Variants in NLGN1 observed in about 807,000 individuals in gnomAD.
The protein encoded by NLGN1 is neuroligin 1, also known as neuroligin-1.
In NLGN1, 12 loss-of-function variants were observed where a neutral mutation model predicts 65.5. That is an observed-to-expected ratio of 0.18 (90% CI 0.12 to 0.30). The LOEUF (loss-of-function observed/expected upper bound fraction) is 0.30. NLGN1 is among the 10% of genes least tolerant of loss of function. NLGN1 has a pLI of 1.00. For missense variants in NLGN1, 750 were observed against 1,007.1 expected (o/e 0.74, Z 3.46); for synonymous variants, 350 against 359.5 (o/e 0.97, Z 0.30).
intron 3 of NLGN1, among the ~76,000 whole-genome samples, chr3:173,733,483 G>A (rs1773200895): frequency 6.6e-6 from 1 of 152,028 alleles, no homozygotes; most frequent in South Asian, 2.1e-4. Flanking sequence ...TACTGTCAGG[G>A]AGGAAGGATA....
chr3:174,185,767 A>T (rs5006274), intron 4 of NLGN1, among the ~76,000 whole-genome samples: 109,981 of 151,404 alleles, frequency 0.73, 40,072 homozygotes, highest in Admixed American at 0.76. Context: ...TCTGCTTTTT[A>T]AAAAAATGTC....
At chr3:174,158,782 A>G (rs866501431) in intron 4 of NLGN1, among the ~76,000 whole-genome samples, 3 of 151,646 alleles carry the variant, frequency 2.0e-5, no homozygotes, top group Non-Finnish European at 4.4e-5. Flanking sequence ...TGAAAAAGCC[A>G]TTAATCAAAC....
At chr3:173,971,754 A>G (rs1716292529) in intron 4 of NLGN1, among the ~76,000 whole-genome samples, 1 of 152,052 alleles carries the variant, frequency 6.6e-6, no homozygotes, top group African/African-American at 2.4e-5. Context: ...TCATACCAAA[A>G]AGCCAATACT....
At chr3:173,907,151 A>G (rs1013582801) in intron 4 of NLGN1, among the ~76,000 whole-genome samples, 2 of 152,222 alleles carry the variant, frequency 1.3e-5, no homozygotes, top group African/African-American at 2.4e-5. Flanking sequence ...AAGGCAGGAA[A>G]GAGTCAAAAC....
intron 4 of NLGN1, among the ~76,000 whole-genome samples, chr3:174,139,009 A>T (rs1055786967): frequency 2.6e-5 from 4 of 152,212 alleles, no homozygotes; most frequent in Non-Finnish European, 5.9e-5. Context: ...GAAGCCAAAC[A>T]TACTTTTAAT....
chr3:174,181,560 C>T (rs80097181), intron 4 of NLGN1, among the ~76,000 whole-genome samples: 15,450 of 152,126 alleles, frequency 0.1, 974 homozygotes, highest in Admixed American at 0.15. Context: ...TGGAAGAGAG[C>T]CTGCCCTGCA....
intron 5 of NLGN1, among the ~76,000 whole-genome samples, chr3:174,277,111 G>C (rs1355708625): frequency 1.3e-5 from 2 of 151,790 alleles, no homozygotes; most frequent in Non-Finnish European, 2.9e-5. Flanking sequence ...ATACACTTCA[G>C]GGAAATCTGT....
intron 3 of NLGN1, among the ~76,000 whole-genome samples, chr3:173,752,040 G>A (rs2150159259): frequency 6.6e-6 from 1 of 152,142 alleles, no homozygotes; most frequent in Admixed American, 6.6e-5. Flanking sequence ...GAGAAACATG[G>A]CAGAATTGTG....
chr3:173,618,317 A>G (rs1028809275), intron 3 of NLGN1, among the ~76,000 whole-genome samples: 3 of 151,938 alleles, frequency 2.0e-5, no homozygotes, highest in African/African-American at 7.2e-5. Context: ...CTGCCTCAGC[A>G]TCTTGGATAG....
chr3:174,002,975 G>A (rs1723606909), intron 4 of NLGN1, among the ~76,000 whole-genome samples: 1 of 152,090 alleles, frequency 6.6e-6, no homozygotes, highest in East Asian at 1.9e-4. Flanking sequence ...AATTAGAGAA[G>A]TATATAGATG....
intron 3 of NLGN1, among the ~76,000 whole-genome samples, chr3:173,703,594 A>G (rs1423312827): frequency 6.6e-6 from 1 of 152,248 alleles, no homozygotes; most frequent in Non-Finnish European, 1.5e-5. Flanking sequence ...TCCAAAAATA[A>G]TTTTAAGAAA....
rs559564432 is a variant in NLGN1, at chr3:173,766,737, G to T, written c.494-40943G>T. The stretch of plus-strand genomic sequence containing the variant: ...AATTTCACAATTTGTAAAGTTAGGA[G>T]AACTGTTCTCAATGAATATTGAAAG... On this transcript the variant is annotated intron_variant, in intron 3 of 6. Transcript: ENST00000457714. Among the ~76,000 whole-genome samples the T allele has an allele frequency of 2.0e-5, 3 of 152,304 alleles. No homozygotes were observed. In the East Asian group the frequency reaches 5.8e-4, roughly 29 times the overall value.
chr3:173,934,853 G>A (rs186250561), intron 4 of NLGN1, among the ~76,000 whole-genome samples: 11 of 152,044 alleles, frequency 7.2e-5, no homozygotes, highest in East Asian at 5.8e-4. Flanking sequence ...TTAAAAACCC[G>A]ATAATATCTC....
intron 4 of NLGN1, among the ~76,000 whole-genome samples, chr3:174,251,696 T>TAGG (rs1561391737): frequency 6.6e-6 from 1 of 152,206 alleles, no homozygotes; most frequent in Non-Finnish European, 1.5e-5. Flanking sequence ...TTAAATAAAT[T>TAGG]GCAAATTAAG....
At chr3:174,197,770 GTGTGTGTA>G (rs940774408) in intron 4 of NLGN1, among the ~76,000 whole-genome samples, 4 of 151,600 alleles carry the variant, frequency 2.6e-5, no homozygotes, top group Admixed American at 6.6e-5. Context: ...GTGTGTGTGT[GTGTGTGTA>G]TGTAGATAAG....
intron 2 of NLGN1, among the ~76,000 whole-genome samples, chr3:173,454,936 C>T (rs914149989): frequency 2.0e-5 from 3 of 152,144 alleles, no homozygotes; most frequent in East Asian, 1.9e-4. Flanking sequence ...GGGTTATTAA[C>T]TGGCCTAACT....
intron 2 of NLGN1, among the ~76,000 whole-genome samples, chr3:173,435,719 C>T (rs1415745625): frequency 6.6e-6 from 1 of 152,078 alleles, no homozygotes; most frequent in African/African-American, 2.4e-5. Context: ...CCTGTAGTCC[C>T]AGCTACTAAG....
At chr3:173,710,186 A>G (rs1306320183) in intron 3 of NLGN1, among the ~76,000 whole-genome samples, 1 of 152,178 alleles carries the variant, frequency 6.6e-6, no homozygotes, top group Non-Finnish European at 1.5e-5. Context: ...AGCATACCAA[A>G]AGATACAGTA....
Position 174,080,922 on chromosome 3 carries a change from GGTGTGTGTGTGTGT to G in NLGN1, c.647-194371_647-194358del, listed in dbSNP as rs571057944. Among the ~76,000 whole-genome samples the G allele has an allele frequency of 4.8e-4, 68 of 141,274 alleles. 1 individual carries two copies. The East Asian group carries it at 0.012, about 24-fold the overall frequency. The allele number at this position is 141,274 out of a possible 152,430, so 92.7% of individuals were successfully genotyped here. A position where few individuals can be genotyped will look rare whatever the true frequency, so the allele number is the denominator to read the frequency against. On this transcript the variant is annotated intron_variant, in intron 4 of 6. Transcript: ENST00000457714. ...AATTTGATGGTCGCCTGACATTCCT[GGTGTGTGTGTGTGT>G]GTGTGTGTGTGTGTGTGTGTGGTGA...
Sources: gnomAD v4.1 joint callset for allele counts (sites outside exome capture counted in the v4.1 genomes callset) on GRCh38, gnomAD v4.1.1 for gene constraint, MANE v1.5 for transcripts, NCBI Gene and HGNC (gene_info 2026-07-23, HGNC 2026-07-21) for gene names.